SNCAIP: variants seen among roughly 807,000 people sequenced by gnomAD.
The protein encoded by SNCAIP is synphilin-1.
SNCAIP carries 43 observed loss-of-function variants against 86.7 expected under a neutral mutation model. That is an observed-to-expected ratio of 0.50 (90% CI 0.39 to 0.64). The LOEUF (loss-of-function observed/expected upper bound fraction) is 0.64. Ranked by LOEUF, SNCAIP falls within the 30% of genes least tolerant of loss-of-function variation. SNCAIP has a pLI of 0.00. For synonymous variants in SNCAIP, 417 were observed against 427.2 expected, an observed-to-expected ratio of 0.98 and a Z score of 0.29; for missense variants, 981 against 1,103.1, an observed-to-expected ratio of 0.89 and a Z score of 1.57.
intron 2 of SNCAIP, among the ~76,000 whole-genome samples, chr5:122,394,070 C>G (rs1321451535): frequency 4.6e-5 from 7 of 151,690 alleles, no homozygotes; most frequent in Non-Finnish European, 4.4e-5. Flanking sequence ...ATGTAGTTTC[C>G]CATGAACATG....
At chr5:122,348,574 C>T (rs1759104360) in intron 1 of SNCAIP, among the ~76,000 whole-genome samples, 1 of 152,074 alleles carries the variant, frequency 6.6e-6, no homozygotes, top group South Asian at 2.1e-4. Flanking sequence ...AAATGCTATG[C>T]ATAGTGTACA....
At chr5:122,406,710 G>A (rs374366941) in intron 3 of SNCAIP, among the ~76,000 whole-genome samples, 13 of 152,100 alleles carry the variant, frequency 8.5e-5, no homozygotes, top group South Asian at 8.3e-4. Context: ...CCCCTTTGCC[G>A]TCTGCCATAA....
chr5:122,368,850 G>T (rs1763695282), intron 1 of SNCAIP, among the ~76,000 whole-genome samples: 1 of 152,144 alleles, frequency 6.6e-6, no homozygotes, highest in African/African-American at 2.4e-5. Flanking sequence ...ACCCTGGCTG[G>T]TCACAAAATC....
At chr5:122,372,650 A>G (rs2152796427) in intron 1 of SNCAIP, among the ~76,000 whole-genome samples, 1 of 152,312 alleles carries the variant, frequency 6.6e-6, no homozygotes, top group South Asian at 2.1e-4. Context: ...TAGAAGAGAA[A>G]TATTTCCCTA....
At chr5:122,362,993 A>ATTTTTTTTT (rs769726232) in intron 1 of SNCAIP, among the ~76,000 whole-genome samples, 1 of 113,950 alleles carries the variant, frequency 8.8e-6, no homozygotes, top group Admixed American at 9.1e-5. Context: ...CATAAATTCT[A>ATTTTTTTTT]TTTTTTTTTT....
intron 1 of SNCAIP, among the ~76,000 whole-genome samples, chr5:122,337,306 C>A (rs577820984): frequency 1.7e-3 from 253 of 152,204 alleles, no homozygotes; most frequent in African/African-American, 5.6e-3. Context: ...AAAATGTAAG[C>A]ATATACACTT....
At chr5:122,313,916 T>C (rs1274822320) in intron 1 of SNCAIP, among the ~76,000 whole-genome samples, 3 of 152,242 alleles carry the variant, frequency 2.0e-5, no homozygotes, top group Non-Finnish European at 2.9e-5. Context: ...AAATAAAATA[T>C]AGCATGGGAT....
intron 1 of SNCAIP, among the ~76,000 whole-genome samples, chr5:122,358,863 T>C (rs1326195857): frequency 6.6e-6 from 1 of 152,162 alleles, no homozygotes; most frequent in African/African-American, 2.4e-5. Context: ...CCCTTATAAA[T>C]TGTTGCTATG....
Position 122,423,687 on chromosome 5 carries a change from A to G in SNCAIP, c.950A>G (p.Lys317Arg), listed in dbSNP as rs1776836754. 1 of 1,606,750 alleles carries G rather than the reference A, an allele frequency of 6.2e-7. No homozygotes were observed. The highest frequency in any genetic ancestry group is 1.7e-5 in the Admixed American group (1 of 59,956). ...CCAGAAGAAAGGAGTGAGTATCTGA[A>G]AAAAGTGAAAAGCATCTTGAACATT... ...QGPEERSEYLKKVKSILNIVK... is the reference protein window; with the variant it reads ...QGPEERSEYLRKVKSILNIVK... Residue 317 changes from lysine (K) to arginine (R), a missense_variant, in exon 4 of 11, where the codon AAA becomes AGA. By Grantham distance (26) the Lys-to-Arg change is conservative (BLOSUM62 2). Coordinates refer to ENST00000261368, the MANE Select transcript of SNCAIP (RefSeq NM_005460.4).
chr5:122,333,916 A>G (rs1360928690), intron 1 of SNCAIP, among the ~76,000 whole-genome samples: 2 of 152,236 alleles, frequency 1.3e-5, no homozygotes, highest in Non-Finnish European at 2.9e-5. Context: ...GACGACAATA[A>G]GAAGCCAGAA....
chr5:122,457,411 C>G (rs542691413), intron 10 of SNCAIP, among the ~76,000 whole-genome samples: 11 of 152,306 alleles, frequency 7.2e-5, no homozygotes, highest in African/African-American at 2.6e-4. Context: ...AAGACAACAG[C>G]CAGGTGCCTG....
chr5:122,443,957 G>C (rs1299457523), intron 7 of SNCAIP: 1 of 403,466 alleles, frequency 2.5e-6, no homozygotes, highest in East Asian at 7.1e-5. Flanking sequence ...GAGGTGATAA[G>C]AAGCTCACAC....
At chr5:122,345,219 T>G (rs1212420619) in intron 1 of SNCAIP, among the ~76,000 whole-genome samples, 1 of 152,194 alleles carries the variant, frequency 6.6e-6, no homozygotes, top group East Asian at 1.9e-4. Context: ...TTGTATCAAA[T>G]TTTTTGTTAT....
intron 3 of SNCAIP, among the ~76,000 whole-genome samples, chr5:122,404,925 T>C (rs1772646944): frequency 6.6e-6 from 1 of 152,230 alleles, no homozygotes; most frequent in African/African-American, 2.4e-5. Flanking sequence ...AATGCTTCAA[T>C]GTTTGGGTCA....
At chr5:122,426,411 C>G (rs1456750464) in intron 5 of SNCAIP, among the ~76,000 whole-genome samples, 1 of 152,068 alleles carries the variant, frequency 6.6e-6, no homozygotes, top group South Asian at 2.1e-4. Flanking sequence ...TGTGAATTCA[C>G]TAAAGAACGT....
intron 1 of SNCAIP, among the ~76,000 whole-genome samples, chr5:122,326,853 A>C (rs1004522256): frequency 1.3e-4 from 20 of 151,970 alleles, no homozygotes; most frequent in African/African-American, 4.3e-4. Context: ...ATTTAAGGCC[A>C]GCTCCAGGTG....
chr5:122,406,878 G>A (rs1014787949), intron 3 of SNCAIP, among the ~76,000 whole-genome samples: 4 of 152,144 alleles, frequency 2.6e-5, no homozygotes, highest in East Asian at 3.9e-4. Flanking sequence ...GATACCCCAC[G>A]AGACAAAGAC....
At chr5:122,382,937 C>G (rs1438543963) in intron 1 of SNCAIP, among the ~76,000 whole-genome samples, 1 of 152,190 alleles carries the variant, frequency 6.6e-6, no homozygotes, top group Non-Finnish European at 1.5e-5. Flanking sequence ...AACCACTGCT[C>G]TCTTCAAAGC....
chr5:122,435,743 AG>A (rs1253824671), intron 6 of SNCAIP, among the ~76,000 whole-genome samples: 1 of 152,118 alleles, frequency 6.6e-6, no homozygotes, highest in Non-Finnish European at 1.5e-5. Flanking sequence ...CATGCTGGTG[AG>A]GGGGGTGTTC....
Sources: allele counts gnomAD v4.1 joint callset (sites outside exome capture counted in the v4.1 genomes callset), GRCh38; gene constraint gnomAD v4.1.1; transcripts MANE v1.5; gene names NCBI Gene and HGNC (gene_info 2026-07-23, HGNC 2026-07-21).